Variants in PTPRD observed in about 807,000 individuals in gnomAD.
PTPRD encodes receptor-type tyrosine-protein phosphatase delta.
PTPRD carries 34 observed loss-of-function variants against 214.5 expected under a neutral mutation model. That is an observed-to-expected ratio of 0.16 (90% CI 0.12 to 0.21). The LOEUF (loss-of-function observed/expected upper bound fraction) is 0.21. Among genes scored for constraint, PTPRD ranks in the 10% least tolerant of loss-of-function variants. The pLI, the probability that PTPRD is intolerant of heterozygous loss-of-function variation, is 1.00. For missense variants in PTPRD, 2,545 were observed against 2,398.7 expected, an observed-to-expected ratio of 1.06 and a Z score of -1.27; for synonymous variants, 1,128 against 845.7, an observed-to-expected ratio of 1.33 and a Z score of -5.79.
rs564625356 is a variant in PTPRD at position 9,284,739 on chromosome 9, C to T, written c.-202-101376G>A. ...AGTGTCCTGGTGCAATGGAAAAGAA[C>T]ATAGATTCTTATGTTAGGATCTTGG... On this transcript the variant is annotated intron_variant, in intron 9 of 45. Coordinates refer to ENST00000381196, the MANE Select transcript of PTPRD (RefSeq NM_002839.4). 4.6e-5 allele frequency among the ~76,000 whole-genome samples: 7 copies of T among 151,860 alleles called. No individual in the cohort carries two copies. The South Asian group carries it at 1.4e-3, about 31-fold the overall frequency.
At chr9:9,252,207 A>G (rs778017667) in intron 9 of PTPRD, among the ~76,000 whole-genome samples, 17 of 152,030 alleles carry the variant, frequency 1.1e-4, no homozygotes, top group Admixed American at 2.6e-4. Context: ...GCTGACAAAG[A>G]AGAAGCTCCA....
intron 11 of PTPRD, among the ~76,000 whole-genome samples, chr9:8,736,363 G>C (rs1468279879): frequency 6.6e-6 from 1 of 152,092 alleles, no homozygotes; most frequent in East Asian, 1.9e-4. Flanking sequence ...CTCTATTACT[G>C]CAGAAAATAT....
intron 3 of PTPRD, among the ~76,000 whole-genome samples, chr9:10,172,911 T>C (rs1053045133): frequency 3.3e-5 from 5 of 151,878 alleles, no homozygotes; most frequent in African/African-American, 7.2e-5. Flanking sequence ...TACCCATGCA[T>C]ACTTATAAAT....
intron 7 of PTPRD, among the ~76,000 whole-genome samples, chr9:9,675,080 G>C (rs894166788): frequency 1.3e-5 from 2 of 151,870 alleles, no homozygotes; most frequent in Non-Finnish European, 2.9e-5. Context: ...CATGGAACAA[G>C]TCTAACATAT....
intron 9 of PTPRD, among the ~76,000 whole-genome samples, chr9:9,391,573 T>C: frequency 6.6e-6 from 1 of 152,192 alleles, no homozygotes; most frequent in East Asian, 1.9e-4. Flanking sequence ...CTGTTTTGCA[T>C]ACACAAAATC....
chr9:8,449,091 A>T (rs1300626605), intron 34 of PTPRD, among the ~76,000 whole-genome samples: 1 of 152,212 alleles, frequency 6.6e-6, no homozygotes, highest in Non-Finnish European at 1.5e-5. Flanking sequence ...TAGGAATAGT[A>T]GTGTTCCTCT....
chr9:9,741,066 G>A (rs2098394543), intron 6 of PTPRD, among the ~76,000 whole-genome samples: 1 of 152,130 alleles, frequency 6.6e-6, no homozygotes, highest in South Asian at 2.1e-4. Flanking sequence ...GAAGATTTTG[G>A]GCAACCGGGT....
intron 3 of PTPRD, among the ~76,000 whole-genome samples, chr9:10,075,444 A>T (rs961828199): frequency 1.3e-5 from 2 of 151,954 alleles, no homozygotes; most frequent in Admixed American, 6.6e-5. Flanking sequence ...TCATCTTGTT[A>T]TTGATATAAC....
At chr9:9,956,432 G>A (rs2093938676) in intron 4 of PTPRD, among the ~76,000 whole-genome samples, 1 of 152,068 alleles carries the variant, frequency 6.6e-6, no homozygotes, top group South Asian at 2.1e-4. Context: ...AGCACTACTT[G>A]ATTTCAGAAA....
intron 5 of PTPRD, among the ~76,000 whole-genome samples, chr9:9,926,301 A>G (rs1336039344): frequency 6.6e-6 from 1 of 152,178 alleles, no homozygotes; most frequent in Admixed American, 6.5e-5. Context: ...TTGCTGGGAA[A>G]CAGTACAATA....
chr9:10,266,012 T>A (rs924722429), intron 3 of PTPRD, among the ~76,000 whole-genome samples: 2 of 152,210 alleles, frequency 1.3e-5, no homozygotes, highest in Non-Finnish European at 2.9e-5. Context: ...AATATATTAC[T>A]AAACTTATAT....
intron 11 of PTPRD, among the ~76,000 whole-genome samples, chr9:9,011,268 T>A (rs1343735815): frequency 6.6e-6 from 1 of 152,146 alleles, no homozygotes; most frequent in Non-Finnish European, 1.5e-5. Context: ...TTGGGGGAAA[T>A]AGCTTATAAT....
At chr9:9,754,207 C>G (rs913556896) in intron 6 of PTPRD, among the ~76,000 whole-genome samples, 1 of 152,038 alleles carries the variant, frequency 6.6e-6, no homozygotes, top group Non-Finnish European at 1.5e-5. Flanking sequence ...ATGAAAGAGT[C>G]TTTGAAAAAC....
chr9:9,860,300 C>T (rs1239778759), intron 5 of PTPRD, among the ~76,000 whole-genome samples: 2 of 152,154 alleles, frequency 1.3e-5, no homozygotes, highest in African/African-American at 4.8e-5. Context: ...TCATTGTTAA[C>T]AACTTGTATG....
chr9:10,143,280 TAAATA>T (rs534466567), intron 3 of PTPRD, among the ~76,000 whole-genome samples: 3 of 117,636 alleles, frequency 2.6e-5, no homozygotes, highest in African/African-American at 2.8e-5. Flanking sequence ...ATAATAATAA[TAAATA>T]AAATAAAATA....
intron 3 of PTPRD, among the ~76,000 whole-genome samples, chr9:10,165,522 A>T (rs1165413589): frequency 6.6e-6 from 1 of 151,834 alleles, no homozygotes; most frequent in Non-Finnish European, 1.5e-5. Context: ...TCTTTGTATA[A>T]CAATGGCATT....
intron 10 of PTPRD, among the ~76,000 whole-genome samples, chr9:9,154,170 T>C (rs2099879226): frequency 6.6e-6 from 1 of 152,162 alleles, no homozygotes; most frequent in East Asian, 1.9e-4. Flanking sequence ...AAACCTGATG[T>C]TGAGCCTGGA....
intron 4 of PTPRD, among the ~76,000 whole-genome samples, chr9:9,966,447 G>A (rs562281388): frequency 2.0e-5 from 3 of 152,272 alleles, no homozygotes; most frequent in Non-Finnish European, 2.9e-5. Context: ...TACCTTATCA[G>A]TAAAAGCTCT....
At chr9:8,661,855 T>C (rs151040278) in intron 12 of PTPRD, among the ~76,000 whole-genome samples, 3 of 152,368 alleles carry the variant, frequency 2.0e-5, no homozygotes, top group African/African-American at 4.8e-5. Context: ...TAGCATTTTG[T>C]ACATTTCACT....
Sources: gnomAD v4.1 joint callset for allele counts (sites outside exome capture counted in the v4.1 genomes callset) on GRCh38, gnomAD v4.1.1 for gene constraint, MANE v1.5 for transcripts, NCBI Gene and HGNC (gene_info 2026-07-23, HGNC 2026-07-21) for gene names.